MEGF11: variants seen among roughly 807,000 people sequenced by gnomAD.
MEGF11 encodes multiple EGF like domains 11, also known as multiple epidermal growth factor-like domains protein 11.
Under a neutral mutation model 146.6 loss-of-function variants are expected in MEGF11, and 126 were observed. The observed-to-expected ratio is 0.86, with a 90% CI of 0.74 to 1.00. The LOEUF (loss-of-function observed/expected upper bound fraction) is 1.00. MEGF11 is among the 50% of genes least tolerant of loss of function. The pLI is 0.00. For synonymous variants in MEGF11, 532 were observed against 583.4 expected (o/e 0.91, Z 1.27); for missense variants, 1,509 against 1,521.2 (o/e 0.99, Z 0.13).
chr15:66,195,571 C>A (rs532145867), intron 1 of MEGF11, among the ~76,000 whole-genome samples: 4 of 152,328 alleles, frequency 2.6e-5, no homozygotes, highest in African/African-American at 9.6e-5. Context: ...AGAGCAAATA[C>A]AGCTATAGGC....
intron 5 of MEGF11, among the ~76,000 whole-genome samples, chr15:66,014,430 A>G (rs2082814074): frequency 6.6e-6 from 1 of 152,230 alleles, no homozygotes; most frequent in African/African-American, 2.4e-5. Flanking sequence ...GGGCTAAACA[A>G]GATTTGGTTA....
At chr15:66,247,083 AT>A (rs1350930067) in intron 1 of MEGF11, among the ~76,000 whole-genome samples, 3 of 152,124 alleles carry the variant, frequency 2.0e-5, no homozygotes, top group African/African-American at 7.2e-5. Flanking sequence ...GGGCAGAAAG[AT>A]TTTATAACCT....
In MEGF11 at chr15:65,985,531, G is replaced by A. The variant is rs141206703; in HGVS notation, c.395-3043C>T. ...TGGAGCCAAAAGGCAGTTTGTTCTC[G>A]GTGCATCGCAGGGCATACAGTTATG... On this transcript the variant is annotated intron_variant, in intron 5 of 25. Coordinates refer to ENST00000395614, the MANE Select transcript of MEGF11 (RefSeq NM_001385028.1). Among the ~76,000 whole-genome samples, 555 of 152,238 alleles carry A rather than the reference G, an allele frequency of 3.6e-3. 8 individuals are homozygous for A. Among genetic ancestry groups the A allele is most frequent in the Non-Finnish European group, 3.8e-3 (257 of 68,018 alleles).
At chr15:66,060,995 G>C (rs2084882126) in intron 5 of MEGF11, among the ~76,000 whole-genome samples, 2 of 152,230 alleles carry the variant, frequency 1.3e-5, no homozygotes, top group African/African-American at 2.4e-5. Context: ...GGGCTGGAAT[G>C]GGGACTGGAG....
rs181286454 is a variant in MEGF11 at position 66,113,483 on chromosome 15, T to C, written c.301+5603A>G. Among the ~76,000 whole-genome samples, 454 of 152,300 alleles carry C rather than the reference T, an allele frequency of 3.0e-3. 2 individuals carry two copies. Among genetic ancestry groups the C allele is most frequent in the Non-Finnish European group, 5.4e-3 (370 of 68,020 alleles). On this transcript the variant is annotated intron_variant, in intron 4 of 25. Transcript: ENST00000395614. ...AACAGGAGACGGGGAATTGGGCAGA[T>C]AGACTCCCCCTCCTTGCCCGCTGCA...
intron 5 of MEGF11, among the ~76,000 whole-genome samples, chr15:66,071,913 G>A (rs2140475981): frequency 6.6e-6 from 1 of 152,296 alleles, no homozygotes; most frequent in South Asian, 2.1e-4. Flanking sequence ...CCCAGCATCA[G>A]CATCTGACGG....
chr15:66,111,832 T>C (rs2087429674), intron 4 of MEGF11, among the ~76,000 whole-genome samples: 1 of 152,212 alleles, frequency 6.6e-6, no homozygotes, highest in African/African-American at 2.4e-5. Context: ...GTGAATATAC[T>C]AAATGCCACT....
rs2082180180 is a variant in MEGF11, at chr15:65,995,823, C to T, written c.395-13335G>A. Among the ~76,000 whole-genome samples the T allele has an allele frequency of 3.9e-5, 6 of 152,320 alleles. 1 individual carries two copies. The South Asian group carries it at 1.2e-3, about 32-fold the overall frequency. ...CACCAGCTGCCTGGTGGGTTGGCGC[C>T]TGCTGGCTGTATTCAGGACGTCCAG... is the stretch of plus-strand genomic sequence containing the variant. On this transcript the variant is annotated intron_variant, in intron 5 of 25. Transcript: ENST00000395614.
At chr15:66,238,033 C>T (rs1353862296) in intron 1 of MEGF11, among the ~76,000 whole-genome samples, 4 of 152,188 alleles carry the variant, frequency 2.6e-5, no homozygotes, top group Admixed American at 6.5e-5. Context: ...CCTGGGGCTT[C>T]GCAGTGGTGG....
intron 1 of MEGF11, among the ~76,000 whole-genome samples, chr15:66,138,172 C>T (rs916453812): frequency 9.2e-5 from 14 of 152,172 alleles, no homozygotes; most frequent in African/African-American, 3.1e-4. Context: ...CAGATTCTCC[C>T]CCTCTGCTCC....
chr15:66,027,149 G>C (rs1247806414), intron 5 of MEGF11, among the ~76,000 whole-genome samples: 1 of 152,102 alleles, frequency 6.6e-6, no homozygotes, highest in Non-Finnish European at 1.5e-5. Flanking sequence ...CCCTGGCCAG[G>C]CCAGCAAGCT....
chr15:66,244,780 G>A (rs1355852377), intron 1 of MEGF11, among the ~76,000 whole-genome samples: 1 of 152,124 alleles, frequency 6.6e-6, no homozygotes, highest in African/African-American at 2.4e-5. Flanking sequence ...AAGAAAAAAG[G>A]GTGAAGATTA....
rs181333468 is a variant in MEGF11 at position 66,168,943 on chromosome 15, G to A, written c.-8-40532C>T. Among the ~76,000 whole-genome samples, 31 of 152,322 alleles carry A rather than the reference G, an allele frequency of 2.0e-4. No individual in the cohort carries two copies. In the East Asian group the frequency reaches 4.8e-3, roughly 24 times the overall value. On this transcript the variant is annotated intron_variant, in intron 1 of 25. Transcript: ENST00000395614. ...GTGGAGGTTGCAGTGAGCCAGGATC[G>A]TGCCATTGCACTCCAGCCTGGGTGA...
chr15:65,907,340 G>C (rs900962080), intron 23 of MEGF11, among the ~76,000 whole-genome samples: 4 of 151,878 alleles, frequency 2.6e-5, no homozygotes, highest in Non-Finnish European at 2.9e-5. Flanking sequence ...TGTCACCCAG[G>C]CTGGAGTGCA....
At chr15:66,186,788 C>T (rs914763530) in intron 1 of MEGF11, among the ~76,000 whole-genome samples, 1 of 152,182 alleles carries the variant, frequency 6.6e-6, no homozygotes, top group African/African-American at 2.4e-5. Context: ...TCCTGTTTGG[C>T]CATGAAAACA....
chr15:66,213,819 C>T (rs2140138077), intron 1 of MEGF11, among the ~76,000 whole-genome samples: 1 of 152,184 alleles, frequency 6.6e-6, no homozygotes, highest in South Asian at 2.1e-4. Flanking sequence ...GGATTCAGCT[C>T]AGCAAGCTCT....
At chr15:66,142,033 A>C (rs922793493) in intron 1 of MEGF11, among the ~76,000 whole-genome samples, 2 of 152,168 alleles carry the variant, frequency 1.3e-5, no homozygotes, top group Non-Finnish European at 2.9e-5. Context: ...GGGATCAAGA[A>C]TTAAGCACAT....
chr15:65,929,614 C>G (rs1421523650), intron 12 of MEGF11, 106 bp downstream of exon 12: 2 of 1,329,118 alleles, frequency 1.5e-6, no homozygotes, highest in Non-Finnish European at 2.0e-6. Flanking sequence ...GTCCCATCAC[C>G]TAGCTTAGTG....
Position 65,982,376 on chromosome 15 carries a change from T to C in MEGF11, c.507A>G (p.Gly169=). The C allele has an allele frequency of 6.5e-7, 1 of 1,533,892 alleles. No individual in the cohort carries two copies. Among genetic ancestry groups the C allele is most frequent in the South Asian group, 1.2e-5 (1 of 83,448 alleles). ...GTGCGCAGAGCTCCTCGCAGCGCCA[T>C]CCACGGAAGCCGGCGGCGCACACGC... ...GACVCAAGFR[G]WRCEELCAPG... The change falls in exon 6 of 26, where the codon GGA becomes GGG. Residue 169 remains glycine (G), a synonymous_variant. Transcript: ENST00000395614. The surrounding 1 kb of genome is among the most constrained non-coding windows in gnomAD (Gnocchi z 5.6).
Sources: gnomAD v4.1 joint callset for allele counts (sites outside exome capture counted in the v4.1 genomes callset) on GRCh38, gnomAD v4.1.1 for gene constraint, Gnocchi (gnomAD v3.1) non-coding constraint, MANE v1.5 for transcripts, NCBI Gene and HGNC (gene_info 2026-07-23, HGNC 2026-07-21) for gene names.